The following TIAM2 variants were observed in gnomAD, a reference collection of about 807,000 sequenced individuals.
TIAM2 encodes the protein rho guanine nucleotide exchange factor TIAM2.
Under a neutral mutation model 152.9 loss-of-function variants are expected in TIAM2, and 80 were observed. The ratio of observed to expected loss-of-function variants is 0.52; its 90% confidence interval spans 0.44 to 0.63. The LOEUF (loss-of-function observed/expected upper bound fraction) is 0.63, where lower values mean the gene tolerates loss of function less well. Among genes scored for constraint, TIAM2 ranks in the 30% least tolerant of loss-of-function variants. The probability of loss-of-function intolerance (pLI) is 0.00; values close to 1 mark genes in which losing one functional copy is unlikely to be tolerated. For synonymous variants in TIAM2, 804 were observed against 838.0 expected (o/e 0.96, Z 0.70); for missense variants, 1,965 against 2,120.1 (o/e 0.93, Z 1.44).
intron 2 of TIAM2, among the ~76,000 whole-genome samples, chr6:155,104,055 C>CA (rs1562316968): frequency 0.02 from 1,121 of 55,472 alleles, 86 homozygotes; most frequent in African/African-American, 0.07. Flanking sequence ...CCCCCCCACA[C>CA]CCCCACACAC....
Position 155,129,416 on chromosome 6 carries a change from C to G in TIAM2, c.193C>G (p.Leu65Val). 2 of 1,614,108 alleles carry G rather than the reference C, an allele frequency of 1.2e-6. No homozygotes were observed. Among genetic ancestry groups the G allele is most frequent in the Non-Finnish European group, 1.7e-6 (2 of 1,180,008 alleles). The change falls in exon 4 of 27, where the codon CTT becomes GTT. Residue 65 changes from leucine to valine, a missense_variant. Physicochemically the swap from Leu to Val is conservative, Grantham distance 32. Transcript: ENST00000682666. This position sits in a 1 kb window ranked among gnomAD's most constrained non-coding sequence, Gnocchi z 4.8. The stretch of plus-strand genomic sequence containing the variant: ...GTCCAGGTCCCTGGCCCGAAGCTGC[C>G]TTTCTCACTTTAAGAGTAACCAGCC... ...YKSRSLARSC[L>V]SHFKSNQPYA...
chr6:155,040,112 G>T (rs35292526), intron 1 of TIAM2, among the ~76,000 whole-genome samples: 34,032 of 152,082 alleles, frequency 0.22, 3,886 homozygotes, highest in Middle Eastern at 0.29. Context: ...GAAATTATAT[G>T]AAATTTCCAT....
intron 1 of TIAM2, among the ~76,000 whole-genome samples, chr6:155,003,865 C>T (rs1778356301): frequency 6.6e-6 from 1 of 152,108 alleles, no homozygotes. Flanking sequence ...CCTGTACTCC[C>T]AGCTACTCAG....
chr6:155,182,116 AAC>A lies in TIAM2; in HGVS notation c.2708-108_2708-107del, dbSNP rs1418987228. On this transcript the variant is annotated intron_variant, in intron 12 of 26. Transcript: ENST00000682666. ...AAATAGCTGTAATTTCGACTTTCTC[AAC>A]ATACTGTACTTATGAGAAAAGATGT... The A allele has an allele frequency of 8.2e-6, 7 of 848,866 alleles. No homozygotes were observed. The African/African-American group carries it at 1.2e-4, about 15-fold the overall frequency. 52.6% of individuals were successfully genotyped at this position (848,866 alleles called of 1,614,324 possible). A position where few individuals can be genotyped will look rare whatever the true frequency, so the allele number is the denominator to read the frequency against.
rs1562300194 is a variant in TIAM2, at chr6:155,047,701, GAGAGC to G, written c.-208-42587_-208-42583del. On this transcript the variant is annotated intron_variant, in intron 1 of 26. Transcript: ENST00000682666. ...GAGAGAGAGAGAGGAGAGAGAGAGAGAGAGCGAGAGAGAGAGAGAGAGAGCGAGAG... is the reference window on the plus strand; with the variant it reads ...GAGAGAGAGAGAGGAGAGAGAGAGAGGAGAGAGAGAGAGAGAGAGCGAGAG... Among the ~76,000 whole-genome samples the G allele has an allele frequency of 6.6e-4, 12 of 18,158 alleles. 1 individual carries two copies. The highest frequency in any genetic ancestry group is 2.8e-3 in the African/African-American group (11 of 3,976). 11.9% of individuals were successfully genotyped at this position (18,158 alleles called of 152,430 possible). A position where few individuals can be genotyped will look rare whatever the true frequency, so the allele number is the denominator to read the frequency against.
chr6:155,198,690 A>AAAAAAAC (rs1781408545), intron 14 of TIAM2, among the ~76,000 whole-genome samples: 1 of 138,936 alleles, frequency 7.2e-6, no homozygotes. Flanking sequence ...AAAAAAAAAA[A>AAAAAAAC]TCTCTTAATG....
At chr6:155,234,120 T>A (rs1484901551) in intron 15 of TIAM2, among the ~76,000 whole-genome samples, 2 of 152,192 alleles carry the variant, frequency 1.3e-5, no homozygotes, top group African/African-American at 2.4e-5. Flanking sequence ...CATGCTCTTT[T>A]ATGAAAGCTG....
intron 1 of TIAM2, among the ~76,000 whole-genome samples, chr6:155,057,190 A>G (rs9397771): frequency 0.055 from 8,296 of 150,990 alleles, 273 homozygotes; most frequent in South Asian, 0.13. Flanking sequence ...CACCACACCC[A>G]GCTAATGTTT....
At chr6:155,015,842 C>T (rs972329662) in intron 1 of TIAM2, among the ~76,000 whole-genome samples, 2 of 147,938 alleles carry the variant, frequency 1.4e-5, no homozygotes, top group African/African-American at 2.5e-5. Flanking sequence ...GAGGCTGAGG[C>T]AGGAGAATCT....
chr6:155,089,917 A>G (rs1464195396), intron 1 of TIAM2, among the ~76,000 whole-genome samples: 1 of 151,830 alleles, frequency 6.6e-6, no homozygotes, highest in Non-Finnish European at 1.5e-5. Context: ...CTGTCTGTCA[A>G]TCATCCATCC....
rs1781799552 is a variant in TIAM2, at chr6:155,214,261, G to A, written c.3168+2954G>A. On this transcript the variant is annotated intron_variant, in intron 15 of 26. Coordinates refer to ENST00000682666, the MANE Select transcript of TIAM2 (RefSeq NM_012454.4). The surrounding 1 kb of genome is among the most constrained non-coding windows in gnomAD (Gnocchi z 5.4). The stretch of plus-strand genomic sequence containing the variant: ...TGCAGCCGGCATCATCGCAGTGACT[G>A]TTCCAGATGGGCCACCGCTGCCATC... Among the ~76,000 whole-genome samples, 1 of 152,242 alleles carries A rather than the reference G, an allele frequency of 6.6e-6. No individual in the cohort carries two copies. Among genetic ancestry groups the A allele is most frequent in the Non-Finnish European group, 1.5e-5 (1 of 68,040 alleles).
chr6:155,249,757 C>A, intron 20 of TIAM2, 94 bp from the exon 21 acceptor site: 1 of 1,059,652 alleles, frequency 9.4e-7, no homozygotes, highest in Non-Finnish European at 1.4e-6. Flanking sequence ...GGTCTGGAAT[C>A]CTGAGTTGAA....
intron 1 of TIAM2, among the ~76,000 whole-genome samples, chr6:155,003,989 T>C (rs1778358644): frequency 1.3e-5 from 2 of 152,214 alleles, no homozygotes; most frequent in Admixed American, 6.5e-5. Context: ...TGCATTCTGT[T>C]GAGTCTGTTG....
chr6:155,005,035 C>T, intron 1 of TIAM2: 1 of 514,938 alleles, frequency 1.9e-6, no homozygotes, highest in South Asian at 3.5e-5. Flanking sequence ...ATGGAGTAAC[C>T]CATGATGAGC....
intron 15 of TIAM2, among the ~76,000 whole-genome samples, chr6:155,233,275 A>G (rs570440957): frequency 1.3e-5 from 2 of 152,358 alleles, no homozygotes; most frequent in African/African-American, 2.4e-5. Flanking sequence ...AAAAGAGAAT[A>G]TCAAAGTTGT....
chr6:154,999,354 C>G (rs1029893586), intron 1 of TIAM2, among the ~76,000 whole-genome samples: 1 of 149,980 alleles, frequency 6.7e-6, no homozygotes, highest in Non-Finnish European at 1.5e-5. Context: ...GGGATTGCAC[C>G]CACCACCACA....
chr6:155,123,951 A>T (rs1269534617), intron 2 of TIAM2, among the ~76,000 whole-genome samples: 1 of 152,198 alleles, frequency 6.6e-6, no homozygotes, highest in Non-Finnish European at 1.5e-5. Flanking sequence ...TAAAAAATGA[A>T]AGGGTAGCTA....
At chr6:155,205,942 G>A (rs573105125) in intron 14 of TIAM2, among the ~76,000 whole-genome samples, 1 of 152,322 alleles carries the variant, frequency 6.6e-6, no homozygotes, top group South Asian at 2.1e-4. Flanking sequence ...GTGTGGGTGA[G>A]ACAACCTTAA....
At chr6:155,137,848 T>C (rs1448135114) in intron 5 of TIAM2, among the ~76,000 whole-genome samples, 1 of 152,176 alleles carries the variant, frequency 6.6e-6, no homozygotes, top group Non-Finnish European at 1.5e-5. Context: ...TTGTTTTTAT[T>C]TTTTTTGAGA....
Sources: allele counts gnomAD v4.1 joint callset (sites outside exome capture counted in the v4.1 genomes callset), GRCh38; gene constraint gnomAD v4.1.1; non-coding constraint Gnocchi (gnomAD v3.1); transcripts MANE v1.5; gene names NCBI Gene and HGNC (gene_info 2026-07-23, HGNC 2026-07-21).